Variants in FARS2 observed in about 807,000 individuals in gnomAD.
The protein encoded by FARS2 is phenylalanyl-tRNA synthetase 2, mitochondrial, also known as phenylalanine--tRNA ligase, mitochondrial.
FARS2 carries 40 observed loss-of-function variants against 46.4 expected under a neutral mutation model. The ratio of observed to expected loss-of-function variants is 0.86; its 90% CI spans 0.67 to 1.12. FARS2 has a LOEUF of 1.12. FARS2 is among the 50% of genes most tolerant of loss of function. The pLI, the probability that FARS2 is intolerant of heterozygous loss-of-function variation, is 0.00. For missense variants in FARS2, 513 were observed against 567.9 expected (o/e 0.90, Z 0.98); for synonymous variants, 234 against 214.9 (o/e 1.09, Z -0.78).
chr6:5,714,332 T>C (rs1277943920), intron 6 of FARS2, among the ~76,000 whole-genome samples: 1 of 152,134 alleles, frequency 6.6e-6, no homozygotes. Context: ...TGAGCCAGTC[T>C]TCTAATGGCA....
chr6:5,689,016 T>C (rs1257684061), intron 6 of FARS2, among the ~76,000 whole-genome samples: 2 of 152,220 alleles, frequency 1.3e-5, no homozygotes, highest in Non-Finnish European at 2.9e-5. Flanking sequence ...TCTCTGATGG[T>C]AGTTTGTATT....
At chr6:5,735,994 AC>A (rs1362830080) in intron 6 of FARS2, among the ~76,000 whole-genome samples, 5 of 152,028 alleles carry the variant, frequency 3.3e-5, no homozygotes, top group Non-Finnish European at 5.9e-5. Context: ...AGAATGAATT[AC>A]CCCCCAAAAC....
Position 5,431,025 on chromosome 6 carries a change from T to C in FARS2, c.773-16T>C. 3 of 1,612,224 alleles carry C rather than the reference T, an allele frequency of 1.9e-6. No homozygotes were observed. The highest frequency in any genetic ancestry group is 2.5e-6 in the Non-Finnish European group (3 of 1,178,776). On this transcript the variant is annotated splice_polypyrimidine_tract_variant and intron_variant, in intron 3 of 6. Transcript: ENST00000274680. Reference sequence around the variant, plus strand: ...CTATTTAACACTACTTATTTGTTTCTTTGGCAACTTTGCAGAGCTGGAGAT... The same window carrying C: ...CTATTTAACACTACTTATTTGTTTCCTTGGCAACTTTGCAGAGCTGGAGAT...
chr6:5,610,119 T>A (rs1401433007), intron 5 of FARS2: 2 of 1,107,204 alleles, frequency 1.8e-6, no homozygotes. Context: ...CAGGCTCTCA[T>A]TGGTTGTTTC....
chr6:5,262,823 C>T (rs183654382), intron 1 of FARS2, among the ~76,000 whole-genome samples: 1 of 152,328 alleles, frequency 6.6e-6, no homozygotes, highest in South Asian at 2.1e-4. Context: ...AGCAAAACTT[C>T]TATTACTTCC....
At chr6:5,589,062 G>A (rs902792866) in intron 5 of FARS2, among the ~76,000 whole-genome samples, 2 of 152,130 alleles carry the variant, frequency 1.3e-5, no homozygotes, top group African/African-American at 4.8e-5. Context: ...CCAGCTCCAC[G>A]GTGATGGGTG....
intron 6 of FARS2, among the ~76,000 whole-genome samples, chr6:5,636,871 G>A (rs1212788170): frequency 6.6e-6 from 1 of 152,210 alleles, no homozygotes; most frequent in Non-Finnish European, 1.5e-5. Context: ...TACTCTCCCT[G>A]AGCCACTACG....
At chr6:5,682,641 G>A (rs963043012) in intron 6 of FARS2, among the ~76,000 whole-genome samples, 1 of 152,198 alleles carries the variant, frequency 6.6e-6, no homozygotes, top group African/African-American at 2.4e-5. Context: ...TTTTATCCAT[G>A]CACTCAATAG....
chr6:5,510,196 T>G (rs951554563), intron 4 of FARS2, among the ~76,000 whole-genome samples: 2 of 152,218 alleles, frequency 1.3e-5, no homozygotes, highest in African/African-American at 4.8e-5. Context: ...TTTCAAATTT[T>G]TTTTTAGTTC....
In FARS2 at chr6:5,466,231, T is replaced by A. The variant is rs115447522; in HGVS notation, c.904+35059T>A. On this transcript the variant is annotated intron_variant, in intron 4 of 6. Transcript: ENST00000274680. ...ACTCATCCTTGAAGATTTAATTTGC[T>A]TCTCATCTGCAAAGTCTTCACAGAT... Among the ~76,000 whole-genome samples the A allele has an allele frequency of 8.8e-3, 1,348 of 152,340 alleles. 9 individuals are homozygous for A. Among genetic ancestry groups the A allele is most frequent in the African/African-American group, 0.031 (1,286 of 41,568 alleles).
intron 1 of FARS2, among the ~76,000 whole-genome samples, chr6:5,323,574 G>C (rs1016461084): frequency 1.3e-5 from 2 of 152,120 alleles, no homozygotes; most frequent in Non-Finnish European, 2.9e-5. Flanking sequence ...ATGACAATTA[G>C]GATGTAAAGG....
At chr6:5,619,479 T>C (rs1401892446) in intron 6 of FARS2, among the ~76,000 whole-genome samples, 1 of 152,172 alleles carries the variant, frequency 6.6e-6, no homozygotes, top group Non-Finnish European at 1.5e-5. Flanking sequence ...GTCTGTGCAC[T>C]GTCAGTCAGA....
intron 6 of FARS2, among the ~76,000 whole-genome samples, chr6:5,699,716 C>A (rs563152486): frequency 1.3e-5 from 2 of 152,260 alleles, no homozygotes; most frequent in South Asian, 2.1e-4. Context: ...ACCATGCTGG[C>A]CAGGCTGGTC....
chr6:5,704,088 C>A (rs1443226014), intron 6 of FARS2, among the ~76,000 whole-genome samples: 1 of 152,198 alleles, frequency 6.6e-6, no homozygotes, highest in Non-Finnish European at 1.5e-5. Flanking sequence ...GCTTAGTTTT[C>A]ATGATGATGG....
intron 4 of FARS2, among the ~76,000 whole-genome samples, chr6:5,465,909 G>C (rs775467377): frequency 2.6e-5 from 4 of 151,450 alleles, no homozygotes; most frequent in Non-Finnish European, 5.9e-5. Context: ...ATCAACCTCT[G>C]TCTGGATTCT....
At chr6:5,508,768 G>T (rs1768254460) in intron 4 of FARS2, among the ~76,000 whole-genome samples, 1 of 152,252 alleles carries the variant, frequency 6.6e-6, no homozygotes, top group Admixed American at 6.5e-5. Flanking sequence ...CAGCCAGGCA[G>T]CCGTACGCAG....
chr6:5,377,668 T>C (rs183108608), intron 2 of FARS2, among the ~76,000 whole-genome samples: 2 of 152,280 alleles, frequency 1.3e-5, no homozygotes, highest in Admixed American at 1.3e-4. Context: ...CATGACCGAG[T>C]TTTTGTTGAT....
chr6:5,663,766 A>G (rs1354576482), intron 6 of FARS2, among the ~76,000 whole-genome samples: 1 of 152,240 alleles, frequency 6.6e-6, no homozygotes. Context: ...TGTCCAAAAG[A>G]ACAAGGAAGA....
intron 2 of FARS2, among the ~76,000 whole-genome samples, chr6:5,399,738 T>A (rs113952094): frequency 2.0e-5 from 3 of 152,224 alleles, no homozygotes; most frequent in Admixed American, 6.5e-5. Flanking sequence ...TATGCCCTCT[T>A]GCACTTTGCC....
Sources: allele counts gnomAD v4.1 joint callset (sites outside exome capture counted in the v4.1 genomes callset), GRCh38; gene constraint gnomAD v4.1.1; transcripts MANE v1.5; gene names NCBI Gene and HGNC (gene_info 2026-07-23, HGNC 2026-07-21).